HSPG2: variants seen among roughly 807,000 people sequenced by gnomAD.
HSPG2 encodes heparan sulfate proteoglycan 2.
In HSPG2, 278 loss-of-function variants were observed where a neutral mutation model predicts 526.6. The observed-to-expected ratio is 0.53, with a 90% CI of 0.48 to 0.58. HSPG2 has a LOEUF of 0.58. Among genes scored for constraint, HSPG2 ranks in the 20% least tolerant of loss-of-function variants. The pLI is 0.00. For synonymous variants in HSPG2, 2,465 were observed against 2,555.4 expected (o/e 0.96, Z 1.07); for missense variants, 5,354 against 6,099.5 (o/e 0.88, Z 4.07).
At chr1:21,896,379 C>T in intron 1 of HSPG2, 69 bp from the exon 2 acceptor site, 1 of 1,571,466 alleles carries the variant, frequency 6.4e-7, no homozygotes, top group Non-Finnish European at 8.7e-7. Flanking sequence ...TCCTTCCCCT[C>T]ACTTCCAGGG....
chr1:21,844,733 T>A (rs1380269552), intron 64 of HSPG2, among the ~76,000 whole-genome samples: 1 of 152,212 alleles, frequency 6.6e-6, no homozygotes, highest in Non-Finnish European at 1.5e-5. Context: ...AGTTTCCCCA[T>A]CTGTAAAATG....
Position 21,846,469 on chromosome 1 carries a change from GC to G in HSPG2, c.8294del (p.Gly2765AlafsTer31). The G allele has an allele frequency of 6.2e-7, 1 of 1,613,618 alleles. No homozygotes were observed. The highest frequency in any genetic ancestry group is 8.5e-7 in the Non-Finnish European group (1 of 1,180,036). ...ATACCTGATGGTGACTGGGGAGGCT[GC>G]CCCCACGCTTGTGCCAAGTGACCTG... is the stretch of plus-strand genomic sequence containing the variant. ...HAQVTWHKRG[G>X]SLPSHHQTRG... On this transcript the variant is annotated frameshift_variant, in exon 63 of 97. Transcript: ENST00000374695. LOFTEE classifies it high-confidence loss of function.
At chr1:21,915,793 T>C (rs1431256631) in intron 1 of HSPG2, among the ~76,000 whole-genome samples, 2 of 152,216 alleles carry the variant, frequency 1.3e-5, no homozygotes, top group Non-Finnish European at 2.9e-5. Flanking sequence ...CTCACGCCTA[T>C]AATCCCAGCA....
At position 21,857,028 on chromosome 1, in the gene HSPG2, A is replaced by G; in HGVS notation, c.5562T>C (p.Thr1854=). The G allele has an allele frequency of 6.2e-7, 1 of 1,614,150 alleles. No individual in the cohort carries two copies. Among genetic ancestry groups the G allele is most frequent in the Non-Finnish European group, 8.5e-7 (1 of 1,180,000 alleles). ...NMFAMDQGTA[T]LHVQASGTLS... is the part of the protein sequence containing the mutation. Reference sequence around the variant, plus strand: ...TGGGAGGTGTACCCTGCACATGTAGAGTGGCTGTGCCCTGGTCCATGGCAA... The same window carrying G: ...TGGGAGGTGTACCCTGCACATGTAGGGTGGCTGTGCCCTGGTCCATGGCAA... Residue 1854 remains threonine, a synonymous_variant, in exon 44 of 97, where the codon ACT becomes ACC. Transcript: ENST00000374695.
rs143498383 is a variant in HSPG2, at chr1:21,831,750, G to C, written c.11254C>G (p.Leu3752Val). The C allele has an allele frequency of 1.5e-5, 24 of 1,605,530 alleles. No homozygotes were observed. The highest frequency in any genetic ancestry group is 4.0e-5 in the African/African-American group (3 of 74,774). Residue 3752 changes from leucine (L) to valine (V), a missense_variant, in exon 82 of 97, where the codon CTG (leucine) becomes GTG (valine). Leu to Val is a conservative substitution (Grantham distance 32). Transcript: ENST00000374695. Reference sequence around the variant, plus strand: ...ACGGTGTGGAAATGGCCCAGGGCCAGTGGTGTGGGATGGCGGATGGTGGCC... The same window carrying C: ...ACGGTGTGGAAATGGCCCAGGGCCACTGGTGTGGGATGGCGGATGGTGGCC... ...GMATIRHPTPLALGHFHTVTL... is the reference protein window; with the variant it reads ...GMATIRHPTPVALGHFHTVTL...
intron 1 of HSPG2, among the ~76,000 whole-genome samples, chr1:21,933,629 G>T (rs1489424768): frequency 6.6e-6 from 1 of 152,226 alleles, no homozygotes; most frequent in East Asian, 1.9e-4. Context: ...CTGAGAGCAG[G>T]CCCGGGCCAA....
intron 30 of HSPG2, 82 bp from the exon 31 acceptor site, chr1:21,873,173 C>CAGAGT: frequency 1.5e-6 from 2 of 1,302,978 alleles, no homozygotes; most frequent in Non-Finnish European, 2.2e-6. Context: ...CACCACTGAG[C>CAGAGT]GGGAGCTCTG....
At chr1:21,913,684 C>T (rs966931526) in intron 1 of HSPG2, among the ~76,000 whole-genome samples, 5 of 152,208 alleles carry the variant, frequency 3.3e-5, no homozygotes, top group African/African-American at 1.2e-4. Context: ...GAAATGTGTG[C>T]TGGGCACAGG....
chr1:21,876,439 G>A (rs374322307), intron 22 of HSPG2, 34 bp from the exon 23 acceptor site: 37 of 1,610,906 alleles, frequency 2.3e-5, no homozygotes, highest in African/African-American at 4.0e-5. Flanking sequence ...GATGGGGGCC[G>A]TGGCCTGGGA....
At chr1:21,931,381 C>T (rs1392413256) in intron 1 of HSPG2, among the ~76,000 whole-genome samples, 1 of 152,256 alleles carries the variant, frequency 6.6e-6, no homozygotes, top group Non-Finnish European at 1.5e-5. Context: ...GTGGCAGGGC[C>T]AAAGAGGCCA....
intron 33 of HSPG2, among the ~76,000 whole-genome samples, chr1:21,868,375 G>T (rs986877988): frequency 7.9e-5 from 12 of 152,036 alleles, no homozygotes; most frequent in Non-Finnish European, 1.6e-4. Flanking sequence ...GAAATTGTTG[G>T]AACAAAATAG....
At chr1:21,903,814 G>T (rs970110780) in intron 1 of HSPG2, among the ~76,000 whole-genome samples, 2 of 152,052 alleles carry the variant, frequency 1.3e-5, no homozygotes, top group African/African-American at 4.8e-5. Context: ...ACATAGCTAG[G>T]GGTGGGCACC....
At position 21,822,787 on chromosome 1, in the gene HSPG2, G is replaced by A. The variant is rs752420673; in HGVS notation, c.*529C>T. On this transcript the variant is annotated 3_prime_UTR_variant, in exon 97 of 97. Transcript: ENST00000374695. Reference sequence around the variant, plus strand: ...GAGGTGGGTGGGGGTGCTGAAAAACGAGCTGGTGGGGATGGGGACCGCCTG... The same window carrying A: ...GAGGTGGGTGGGGGTGCTGAAAAACAAGCTGGTGGGGATGGGGACCGCCTG... 51 of 160,638 alleles carry A rather than the reference G, an allele frequency of 3.2e-4. No homozygotes were observed. Among genetic ancestry groups the A allele is most frequent in the Non-Finnish European group, 4.9e-4 (36 of 73,056 alleles). 10.0% of individuals were successfully genotyped at this position (160,638 alleles called of 1,614,324 possible). A position where few individuals can be genotyped will look rare whatever the true frequency, so the allele number is the denominator to read the frequency against.
chr1:21,839,245 A>T lies in HSPG2; in HGVS notation c.9889+126T>A. ...CCAGGGTGTGGGTGTCGGGCAGGGC[A>T]GGCTCCAGGACCCTGCAGCGCCTGG... On this transcript the variant is annotated intron_variant, in intron 73 of 96. Coordinates refer to ENST00000374695, the MANE Select transcript of HSPG2 (RefSeq NM_005529.7). This position sits in a 1 kb window ranked among gnomAD's most constrained non-coding sequence, Gnocchi z 4.5. 1 of 1,429,372 alleles carries T rather than the reference A, an allele frequency of 7.0e-7. No homozygotes were observed. The highest frequency in any genetic ancestry group is 9.7e-7 in the Non-Finnish European group (1 of 1,032,246). The allele number at this position is 1,429,372 out of a possible 1,614,324, so 88.5% of individuals were successfully genotyped here. A position where few individuals can be genotyped will look rare whatever the true frequency, so the allele number is the denominator to read the frequency against.
Position 21,834,572 on chromosome 1 carries a change from C to T in HSPG2, c.10720+107G>A, listed in dbSNP as rs979334362. 1.3e-5 allele frequency: 17 copies of T among 1,346,634 alleles called. No individual in the cohort carries two copies. The African/African-American group carries it at 2.0e-4, about 16-fold the overall frequency. The allele number at this position is 1,346,634 out of a possible 1,614,324, so 83.4% of individuals were successfully genotyped here. A position where few individuals can be genotyped will look rare whatever the true frequency, so the allele number is the denominator to read the frequency against. On this transcript the variant is annotated intron_variant, in intron 77 of 96. Transcript: ENST00000374695. ...CTTAAACACACACAATGGAAAATGT[C>T]CCAAGTGAACAGAAAGGAAGAGCAG...
At chr1:21,860,304 G>A in intron 39 of HSPG2, 69 bp from the exon 40 acceptor site, 1 of 1,464,698 alleles carries the variant, frequency 6.8e-7, no homozygotes, top group Non-Finnish European at 9.4e-7. Context: ...TGGACTTGGG[G>A]AGCCAGAAGC....
rs1557733949 is a variant in HSPG2, at chr1:21,859,523, C to T, written c.5293+43G>A. On this transcript the variant is annotated intron_variant, in intron 42 of 96. Transcript: ENST00000374695. This position sits in a 1 kb window ranked among gnomAD's most constrained non-coding sequence, Gnocchi z 5.3. Reference sequence around the variant, plus strand: ...CCTGAATCTGCAGCCTGCAGCCCAGCCCAGGACAGGCAGTCTTGGTTACAG... The same window carrying T: ...CCTGAATCTGCAGCCTGCAGCCCAGTCCAGGACAGGCAGTCTTGGTTACAG... 1 of 1,427,332 alleles carries T rather than the reference C, an allele frequency of 7.0e-7. No individual in the cohort carries two copies. The highest frequency in any genetic ancestry group is 9.7e-7 in the Non-Finnish European group (1 of 1,032,298). 88.4% of individuals were successfully genotyped at this position (1,427,332 alleles called of 1,614,324 possible). A position where few individuals can be genotyped will look rare whatever the true frequency, so the allele number is the denominator to read the frequency against.
chr1:21,836,842 G>A lies in HSPG2; in HGVS notation c.10315C>T (p.Gln3439Ter). 1 of 1,581,088 alleles carries A rather than the reference G, an allele frequency of 6.3e-7. No homozygotes were observed. Among genetic ancestry groups the A allele is most frequent in the Non-Finnish European group, 8.6e-7 (1 of 1,164,704 alleles). Residue 3439 changes from glutamine (Q) to a stop codon, truncating the protein, a stop_gained, in exon 75 of 97, where the codon CAG becomes TAG. Coordinates refer to ENST00000374695, the MANE Select transcript of HSPG2 (RefSeq NM_005529.7). LOFTEE classifies it high-confidence loss of function. ...TQLRWFKEGG[Q>*]LPPGHSVQDG... ...TGCACGCTGTGACCCGGAGGCAGCTGACCCCCTTCCTTGAACCAACGGAGC... is the reference window on the plus strand; with the variant it reads ...TGCACGCTGTGACCCGGAGGCAGCTAACCCCCTTCCTTGAACCAACGGAGC...
At chr1:21,841,369 G>T in intron 70 of HSPG2, 84 bp from the exon 71 acceptor site, 1 of 1,579,640 alleles carries the variant, frequency 6.3e-7, no homozygotes, top group Non-Finnish European at 8.7e-7. Flanking sequence ...CTTAGTAACT[G>T]CTGGGTGGGC....
Sources: gnomAD v4.1 joint callset for allele counts (sites outside exome capture counted in the v4.1 genomes callset) on GRCh38, gnomAD v4.1.1 for gene constraint, Gnocchi (gnomAD v3.1) non-coding constraint, MANE v1.5 for transcripts, NCBI Gene and HGNC (gene_info 2026-07-23, HGNC 2026-07-21) for gene names.